GCH1: variants seen among roughly 807,000 people sequenced by gnomAD.
GCH1 encodes the protein GTP cyclohydrolase 1.
A neutral mutation model predicts 25.9 loss-of-function variants in GCH1; 5 were observed. The ratio of observed to expected loss-of-function variants is 0.19; its 90% CI spans 0.10 to 0.41. The LOEUF (loss-of-function observed/expected upper bound fraction) is 0.41, where lower values mean the gene tolerates loss of function less well. Ranked by LOEUF, GCH1 falls within the 10% of genes least tolerant of loss-of-function variation. The pLI is 1.00. For synonymous variants in GCH1, 159 were observed against 129.6 expected (o/e 1.23, Z -1.54); for missense variants, 261 against 336.5 (o/e 0.78, Z 1.75).
rs2039566414 is a variant in GCH1, at chr14:54,842,164, T to TG, written c.*1852dup. ...CCAAATGGACTCAAGATCATGGATATGAAAAGGTAATTTTGAAGTACTAAA... is the reference window on the plus strand; with the variant it reads ...CCAAATGGACTCAAGATCATGGATATGGAAAAGGTAATTTTGAAGTACTAAA... On this transcript the variant is annotated 3_prime_UTR_variant, in exon 6 of 6. Transcript: ENST00000491895. 1 of 152,390 alleles carries TG rather than the reference T, an allele frequency of 6.6e-6. No homozygotes were observed. The highest frequency in any genetic ancestry group is 1.5e-5 in the Non-Finnish European group (1 of 68,028). 9.4% of individuals were successfully genotyped at this position (152,390 alleles called of 1,614,324 possible).
chr14:54,855,752 TG>T (rs1247379476), intron 3 of GCH1, among the ~76,000 whole-genome samples: 2 of 151,980 alleles, frequency 1.3e-5, no homozygotes, highest in Non-Finnish European at 2.9e-5. Context: ...AGGCAGAGGT[TG>T]CAGTGAGCCA....
chr14:54,882,452 G>A (rs1485751743), intron 1 of GCH1, among the ~76,000 whole-genome samples: 1 of 152,208 alleles, frequency 6.6e-6, no homozygotes, highest in Non-Finnish European at 1.5e-5. Context: ...TTACTACTCT[G>A]AATATTTCTG....
chr14:54,885,733 A>G (rs1364930458), intron 1 of GCH1: 1 of 206,260 alleles, frequency 4.8e-6, no homozygotes, highest in African/African-American at 2.4e-5. Flanking sequence ...CACCAAAAAT[A>G]CAAAACTTAG....
intron 3 of GCH1, among the ~76,000 whole-genome samples, chr14:54,854,085 A>C (rs965024981): frequency 1.3e-5 from 2 of 152,256 alleles, no homozygotes; most frequent in African/African-American, 4.8e-5. Flanking sequence ...CCTAGATATC[A>C]GACTCCCCAG....
At position 54,843,868 on chromosome 14, in the gene GCH1, T is replaced by C. The variant is rs771066362; in HGVS notation, c.*149A>G. Reference sequence around the variant, plus strand: ...AACCCTTTATTATATTTATTTGACTTCCTAGAAATAATTTTAAATATAATT... The same window carrying C: ...AACCCTTTATTATATTTATTTGACTCCCTAGAAATAATTTTAAATATAATT... On this transcript the variant is annotated 3_prime_UTR_variant, in exon 6 of 6. Coordinates refer to ENST00000491895, the MANE Select transcript of GCH1 (RefSeq NM_000161.3). 6.2e-7 allele frequency: 1 copy of C among 1,610,134 alleles called. No homozygotes were observed. Among genetic ancestry groups the C allele is most frequent in the African/African-American group, 1.3e-5 (1 of 74,840 alleles).
At chr14:54,846,926 G>T (rs1175208137) in intron 4 of GCH1, among the ~76,000 whole-genome samples, 173 bp downstream of exon 4, 3 of 152,052 alleles carry the variant, frequency 2.0e-5, no homozygotes, top group Non-Finnish European at 4.4e-5. Context: ...CCAAGGCATG[G>T]TGATGCACTC....
chr14:54,884,668 G>A (rs1419556161), intron 1 of GCH1, among the ~76,000 whole-genome samples: 2 of 150,206 alleles, frequency 1.3e-5, no homozygotes, highest in Non-Finnish European at 3.0e-5. Context: ...TACTTGGGAG[G>A]CTGAGGCAGG....
rs558395810 is a variant in GCH1, at chr14:54,864,713, C to T, written c.453+614G>A. ...CCCCACCTTCTGGATTTGTTCCATT[C>T]AGCCTCTGGATTTCCTGTAAACTAG... On this transcript the variant is annotated intron_variant, in intron 2 of 5. Transcript: ENST00000491895. Among the ~76,000 whole-genome samples, 8 of 152,304 alleles carry T rather than the reference C, an allele frequency of 5.3e-5. No homozygotes were observed. In the East Asian group the frequency reaches 1.3e-3, roughly 26 times the overall value.
At chr14:54,879,972 A>G in intron 1 of GCH1, among the ~76,000 whole-genome samples, 2 of 128,520 alleles carry the variant, frequency 1.6e-5, no homozygotes, top group East Asian at 2.3e-4. Flanking sequence ...GTGACAGAGT[A>G]AGGCTCTGTC....
At chr14:54,878,257 G>A (rs1399749844) in intron 1 of GCH1, 1 of 153,448 alleles carries the variant, frequency 6.5e-6, no homozygotes, top group Non-Finnish European at 1.5e-5. Flanking sequence ...GCTCTCTGAG[G>A]AAGCCGGACA....
At chr14:54,877,039 G>GC (rs1423186051) in intron 1 of GCH1, among the ~76,000 whole-genome samples, 3 of 152,146 alleles carry the variant, frequency 2.0e-5, no homozygotes, top group Non-Finnish European at 4.4e-5. Context: ...TGTTGCCTAT[G>GC]CCCCATTTTA....
intron 1 of GCH1, among the ~76,000 whole-genome samples, chr14:54,896,012 C>T (rs1312579828): frequency 1.3e-5 from 2 of 152,112 alleles, no homozygotes; most frequent in Non-Finnish European, 1.5e-5. Context: ...TGAACAAATT[C>T]CCCAGAATGC....
At chr14:54,861,895 A>G (rs2039902432) in intron 2 of GCH1, among the ~76,000 whole-genome samples, 1 of 152,162 alleles carries the variant, frequency 6.6e-6, no homozygotes, top group South Asian at 2.1e-4. Context: ...TATCCTCTTG[A>G]ACAAGTCACA....
intron 3 of GCH1, among the ~76,000 whole-genome samples, chr14:54,851,058 A>T (rs942810891): frequency 3.9e-5 from 6 of 152,238 alleles, no homozygotes; most frequent in Non-Finnish European, 8.8e-5. Context: ...GGAACAGAAC[A>T]GAGCCCTCAG....
chr14:54,859,760 T>C (rs756962393), intron 2 of GCH1, 24 bp from the exon 3 acceptor site: 1 of 1,398,642 alleles, frequency 7.1e-7, no homozygotes, highest in Non-Finnish European at 1.0e-6. Context: ...ACGGAAATCA[T>C]TAGCTGAGTG....
At chr14:54,868,836 G>A (rs1378557620) in intron 1 of GCH1, among the ~76,000 whole-genome samples, 2 of 152,072 alleles carry the variant, frequency 1.3e-5, no homozygotes, top group African/African-American at 4.8e-5. Context: ...TCCTGACCTC[G>A]TGATCCACCC....
chr14:54,867,004 A>G (rs2039996852), intron 1 of GCH1, among the ~76,000 whole-genome samples: 1 of 152,208 alleles, frequency 6.6e-6, no homozygotes, highest in Admixed American at 6.5e-5. Context: ...TCTGAAAAGA[A>G]GACCAAAAAT....
rs1261430729 is a variant in GCH1 at position 54,875,232 on chromosome 14, C to T, written c.344-9796G>A. Among the ~76,000 whole-genome samples the T allele has an allele frequency of 2.0e-5, 3 of 152,226 alleles. No individual in the cohort carries two copies. In the East Asian group the frequency reaches 5.8e-4, roughly 29 times the overall value. ...AAACAAGAAATGGGGAAAGGAATCC[C>T]TGTTTAATAAATGGTGCTGGAAAAG... On this transcript the variant is annotated intron_variant, in intron 1 of 5. Transcript: ENST00000491895.
chr14:54,862,220 T>C (rs1023274644), intron 2 of GCH1, among the ~76,000 whole-genome samples: 2 of 152,160 alleles, frequency 1.3e-5, no homozygotes, highest in South Asian at 2.1e-4. Context: ...AAATTTATTT[T>C]GTGGTAGAGA....
Sources: gnomAD v4.1 joint callset for allele counts (sites outside exome capture counted in the v4.1 genomes callset) on GRCh38, gnomAD v4.1.1 for gene constraint, MANE v1.5 for transcripts, NCBI Gene and HGNC (gene_info 2026-07-23, HGNC 2026-07-21) for gene names.